Variants in PAM observed in about 807,000 individuals in gnomAD.
The protein encoded by PAM is peptidylglycine alpha-amidating monooxygenase.
Under a neutral mutation model 122.1 loss-of-function variants are expected in PAM, and 72 were observed. The observed-to-expected ratio is 0.59, with a 90% CI of 0.49 to 0.72. The LOEUF is 0.72. Ranked by LOEUF, PAM falls within the 30% of genes least tolerant of loss-of-function variation. PAM has a pLI of 0.00. For missense variants in PAM, 1,106 were observed against 1,183.7 expected, an observed-to-expected ratio of 0.93 and a Z score of 0.96; for synonymous variants, 389 against 404.4, an observed-to-expected ratio of 0.96 and a Z score of 0.46.
chr5:102,989,144 T>C (rs1298799721), intron 15 of PAM, among the ~76,000 whole-genome samples: 1 of 152,178 alleles, frequency 6.6e-6, no homozygotes, highest in African/African-American at 2.4e-5. Flanking sequence ...CATAACTGTA[T>C]ATCCTCAATT....
intron 3 of PAM, among the ~76,000 whole-genome samples, chr5:102,875,646 T>TA (rs1231581215): frequency 3.3e-5 from 5 of 152,244 alleles, no homozygotes; most frequent in Non-Finnish European, 5.9e-5. Flanking sequence ...TATTCTTGTC[T>TA]AAATCTAAAC....
At chr5:102,839,483 G>A (rs1426420259) in intron 1 of PAM, among the ~76,000 whole-genome samples, 1 of 148,122 alleles carries the variant, frequency 6.8e-6, no homozygotes, top group African/African-American at 2.5e-5. Flanking sequence ...GTTGCAGTGA[G>A]CCAAGATCTC....
At chr5:102,821,634 G>C (rs1424836524) in intron 1 of PAM, among the ~76,000 whole-genome samples, 1 of 152,110 alleles carries the variant, frequency 6.6e-6, no homozygotes, top group Non-Finnish European at 1.5e-5. Flanking sequence ...ACTTTTCTAA[G>C]CACCTTTTCA....
chr5:102,950,657 C>A, intron 11 of PAM, 60 bp from the exon 12 acceptor site: 1 of 1,009,896 alleles, frequency 9.9e-7, no homozygotes, highest in Non-Finnish European at 1.6e-6. Flanking sequence ...CACAGTCAAA[C>A]ATGTAGTTCT....
chr5:102,813,416 C>T (rs552600230), intron 1 of PAM, among the ~76,000 whole-genome samples: 1 of 152,262 alleles, frequency 6.6e-6, no homozygotes, highest in African/African-American at 2.4e-5. Flanking sequence ...TAAAGTCATG[C>T]AGCAAGTGAG....
chr5:102,864,538 C>G (rs952540025), intron 1 of PAM: 1 of 152,124 alleles, frequency 6.6e-6, no homozygotes, highest in Non-Finnish European at 1.5e-5. Context: ...CTAGAAAGCA[C>G]TTATCATGAA....
chr5:103,011,849 T>C (rs1780728544), intron 21 of PAM, among the ~76,000 whole-genome samples: 1 of 152,204 alleles, frequency 6.6e-6, no homozygotes. Flanking sequence ...AACTGTTCTA[T>C]ATAGTTTTAC....
In PAM at chr5:103,029,119, T is replaced by C; in HGVS notation, c.*54T>C. On this transcript the variant is annotated 3_prime_UTR_variant, in exon 26 of 26. Coordinates refer to ENST00000438793, the MANE Select transcript of PAM (RefSeq NM_001177306.2). The stretch of plus-strand genomic sequence containing the variant: ...GATTTACCCAGAATGTCAGATTCCT[T>C]TCCCTTTAGCACGTTTAAAGTTCTG... The C allele has an allele frequency of 6.9e-7, 1 of 1,439,164 alleles. No individual in the cohort carries two copies. The highest frequency in any genetic ancestry group is 9.6e-7 in the Non-Finnish European group (1 of 1,045,094). The allele number at this position is 1,439,164 out of a possible 1,614,324, so 89.1% of individuals were successfully genotyped here.
chr5:103,009,861 C>T lies in PAM; in HGVS notation c.2326C>T (p.Arg776Cys), dbSNP rs200646882. ...AATTATAGACATCTTCAAGCCAGTG[C>T]GCAAGGTATTTACACACATTGTCTA... is the stretch of plus-strand genomic sequence containing the variant. ...GEIIDIFKPV[R>C]KHFDMPHDIV... The change falls in exon 21 of 26, where the codon CGC becomes TGC. Residue 776 changes from arginine to cysteine, a missense_variant. Around this residue, in one of 3 missense-constraint regions of PAM, gnomAD observed 333 missense variants for 335.6 expected, o/e 0.99. Transcript: ENST00000438793. 53 of 1,551,494 alleles carry T rather than the reference C, an allele frequency of 3.4e-5. No homozygotes were observed. The highest frequency in any genetic ancestry group is 1.4e-4 in the Admixed American group (8 of 58,784).
rs537143508 is a variant in PAM, at chr5:102,856,461, GA to G, written c.-373-9361del. On this transcript the variant is annotated intron_variant, in intron 1 of 25. Transcript: ENST00000438793. Reference sequence around the variant, plus strand: ...TGAGAACTTGACAGTTCAGTCTTTAGAGTAAAAAGATGTGTGCTATTTGGAA... The same window carrying G: ...TGAGAACTTGACAGTTCAGTCTTTAGGTAAAAAGATGTGTGCTATTTGGAA... Among the ~76,000 whole-genome samples, 527 of 152,262 alleles carry G rather than the reference GA, an allele frequency of 3.5e-3. 3 individuals carry two copies. Among genetic ancestry groups the G allele is most frequent in the Middle Eastern group, 0.01 (3 of 294 alleles).
chr5:102,910,789 C>G (rs367594966), intron 4 of PAM, among the ~76,000 whole-genome samples: 1 of 151,696 alleles, frequency 6.6e-6, no homozygotes, highest in Non-Finnish European at 1.5e-5. Flanking sequence ...TCCTTTATTT[C>G]TTTGGTGTAT....
At chr5:102,943,755 G>A (rs1213829187) in intron 7 of PAM, among the ~76,000 whole-genome samples, 1 of 151,972 alleles carries the variant, frequency 6.6e-6, no homozygotes, top group East Asian at 1.9e-4. Flanking sequence ...TTTCCCTTTC[G>A]GTTCTGAGAT....
chr5:102,881,645 G>A (rs1449974103), intron 3 of PAM, among the ~76,000 whole-genome samples: 3 of 150,442 alleles, frequency 2.0e-5, no homozygotes, highest in African/African-American at 7.3e-5. Context: ...TATATTAAGT[G>A]AGAAAAACAA....
chr5:102,873,195 G>T (rs1290567517), intron 3 of PAM: 3 of 152,006 alleles, frequency 2.0e-5, no homozygotes, highest in Non-Finnish European at 4.4e-5. Context: ...TATAATATTT[G>T]TATTCTTTTG....
chr5:102,941,043 A>C (rs981188986), intron 7 of PAM, among the ~76,000 whole-genome samples: 2 of 152,230 alleles, frequency 1.3e-5, no homozygotes, highest in African/African-American at 4.8e-5. Context: ...GAGCAGGTTC[A>C]TAATTTTGAG....
intron 5 of PAM, among the ~76,000 whole-genome samples, chr5:102,915,873 T>C (rs1261599985): frequency 2.0e-5 from 3 of 152,110 alleles, no homozygotes; most frequent in Non-Finnish European, 4.4e-5. Context: ...TTGGCCCCTT[T>C]AAAATATTTA....
intron 1 of PAM, among the ~76,000 whole-genome samples, chr5:102,822,568 C>G (rs1325365190): frequency 6.6e-6 from 1 of 151,642 alleles, no homozygotes; most frequent in Non-Finnish European, 1.5e-5. Context: ...TTTTTTTTCT[C>G]CTCATCAACC....
At chr5:102,948,258 A>G (rs879436830) in intron 8 of PAM, 120 bp from the exon 9 acceptor site, 8 of 565,956 alleles carry the variant, frequency 1.4e-5, no homozygotes, top group Non-Finnish European at 2.2e-5. Context: ...CTCTTTTTCT[A>G]CTTCAATTTT....
intron 1 of PAM, among the ~76,000 whole-genome samples, chr5:102,759,925 C>CT (rs911279836): frequency 6.6e-6 from 1 of 152,024 alleles, no homozygotes; most frequent in African/African-American, 2.4e-5. Context: ...GGAAGCTTAC[C>CT]GTGGTCATAG....
Sources: gnomAD v4.1 joint callset for allele counts (sites outside exome capture counted in the v4.1 genomes callset) on GRCh38, gnomAD v4.1.1 for gene constraint, gnomAD v4.1.1 regional missense constraint, MANE v1.5 for transcripts, NCBI Gene and HGNC (gene_info 2026-07-23, HGNC 2026-07-21) for gene names.